The following FAM228B variants were observed in gnomAD, a reference collection of about 807,000 sequenced individuals.
FAM228B encodes family with sequence similarity 228 member B.
In FAM228B, 38 loss-of-function variants were observed where a neutral mutation model predicts 42.6. The observed-to-expected ratio is 0.89, with a 90% CI of 0.69 to 1.17. The LOEUF is 1.17. FAM228B is among the 50% of genes most tolerant of loss of function. FAM228B has a pLI of 0.00. For missense variants in FAM228B, 344 were observed against 367.3 expected, an observed-to-expected ratio of 0.94 and a Z score of 0.52; for synonymous variants, 109 against 122.3, an observed-to-expected ratio of 0.89 and a Z score of 0.72.
intron 2 of FAM228B, among the ~76,000 whole-genome samples, chr2:24,129,322 T>C (rs1484464529): frequency 1.4e-5 from 2 of 148,022 alleles, no homozygotes; most frequent in African/African-American, 4.9e-5. Context: ...TTTTTTTTTT[T>C]AGTTGTTTCA....
At chr2:24,122,368 A>G (rs529152056), upstream of FAM228B, 3 of 1,325,050 alleles carry the variant, frequency 2.3e-6, no homozygotes, top group Non-Finnish European at 2.1e-6. Flanking sequence ...TTTTGGAAGA[A>G]TAGAAATAAT....
chr2:24,091,732 G>A (rs1558367356), intron 2 of FAM228B, among the ~76,000 whole-genome samples: 1 of 152,068 alleles, frequency 6.6e-6, no homozygotes, highest in Non-Finnish European at 1.5e-5. Context: ...CTATATCAAA[G>A]AACAGAAACA....
chr2:24,160,533 T>C (rs1190806283), intron 7 of FAM228B, among the ~76,000 whole-genome samples: 2 of 152,338 alleles, frequency 1.3e-5, no homozygotes, highest in Admixed American at 1.3e-4. Flanking sequence ...GTATATATTT[T>C]CCAGTTTGCT....
chr2:24,104,569 C>A (rs1162308808), intron 3 of FAM228B, among the ~76,000 whole-genome samples: 2 of 151,842 alleles, frequency 1.3e-5, no homozygotes, highest in African/African-American at 4.8e-5. Flanking sequence ...GCTAGAGCTT[C>A]CAGCCTAATA....
Position 24,124,364 on chromosome 2 carries a change from G to GA in FAM228B, c.8dup (p.Asn3LysfsTer5), listed in dbSNP as rs1666246335. The GA allele has an allele frequency of 1.9e-6, 3 of 1,542,742 alleles. No individual in the cohort carries two copies. Among genetic ancestry groups the GA allele is most frequent in the African/African-American group, 1.4e-5 (1 of 72,446 alleles). On this transcript the variant is annotated frameshift_variant, in exon 2 of 11. Coordinates refer to ENST00000615575, the MANE Select transcript of FAM228B (RefSeq NM_001145710.2). LOFTEE classifies it high-confidence loss of function. The stretch of plus-strand genomic sequence containing the variant: ...GGGCATTGTTATTTGTGACCACAAT[G>GA]AAAAATGTAGACAGTGATGATCTGG...
chr2:24,161,658 C>T, intron 8 of FAM228B, 45 bp downstream of exon 8: 1 of 1,162,170 alleles, frequency 8.6e-7, no homozygotes, highest in Non-Finnish European at 1.3e-6. Context: ...TGCTAAGATG[C>T]TAGGCTGTGC....
chr2:24,161,321 CCTGTA>C (rs1667280169), intron 7 of FAM228B, among the ~76,000 whole-genome samples, 180 bp from the exon 8 acceptor site: 1 of 152,038 alleles, frequency 6.6e-6, no homozygotes, highest in Non-Finnish European at 1.5e-5. Flanking sequence ...GTGGTGCATG[CCTGTA>C]GTCCTAGCTG....
In FAM228B at chr2:24,083,222, C is replaced by A. The variant is rs34702545; in HGVS notation, c.-210+2267C>A. ...CTGTATGTCACTACCCCTGGCCCCCCTTCCAAGATCCCCTCTTTTTTTTTT... is the reference window on the plus strand; with the variant it reads ...CTGTATGTCACTACCCCTGGCCCCCATTCCAAGATCCCCTCTTTTTTTTTT... On this transcript the variant is annotated intron_variant, in intron 2 of 10. Coordinates refer to the FAM228B transcript ENST00000613899. 39 of 1,471,576 alleles carry A rather than the reference C, an allele frequency of 2.7e-5. No individual in the cohort carries two copies. The African/African-American group carries it at 5.1e-4, about 19-fold the overall frequency. The allele number at this position is 1,471,576 out of a possible 1,614,324, so 91.2% of individuals were successfully genotyped here. A position where few individuals can be genotyped will look rare whatever the true frequency, so the allele number is the denominator to read the frequency against.
Position 24,137,914 on chromosome 2 carries a change from A to G in FAM228B, c.174A>G (p.Leu58=), listed in dbSNP as rs1329457070. 1 of 1,519,232 alleles carries G rather than the reference A, an allele frequency of 6.6e-7. No homozygotes were observed. Among genetic ancestry groups the G allele is most frequent in the South Asian group, 1.3e-5 (1 of 77,704 alleles). 94.1% of individuals were successfully genotyped at this position (1,519,232 alleles called of 1,614,324 possible). A position where few individuals can be genotyped will look rare whatever the true frequency, so the allele number is the denominator to read the frequency against. The change falls in exon 4 of 11, where the codon CTA becomes CTG. Residue 58 remains leucine, a synonymous_variant. Transcript: ENST00000615575. The stretch of plus-strand genomic sequence containing the variant: ...TTTCTACCACTGTTTACTAGGAACT[A>G]GATAAGTATTTACAACATCATGCCT... The part of the protein sequence containing the change: ...LYKENSVIKE[L]DKYLQHHAFL...
rs76188086 is a variant in FAM228B, at chr2:24,091,481, T to C, written c.-209-3660T>C. Among the ~76,000 whole-genome samples the C allele has an allele frequency of 5.9e-4, 90 of 152,296 alleles. 1 individual carries two copies. The highest frequency in any genetic ancestry group is 3.4e-3 in the Middle Eastern group (1 of 292). ...AACAAATACAAAAAACCACAAGAGA[T>C]GCTAATTTTAAAAATGAAGCAAACA... On this transcript the variant is annotated intron_variant, in intron 2 of 10. Transcript: ENST00000613899.
intron 7 of FAM228B, among the ~76,000 whole-genome samples, chr2:24,152,321 T>C (rs1367178223): frequency 6.6e-6 from 1 of 152,234 alleles, no homozygotes. Flanking sequence ...TTCTCCAGGA[T>C]TGGTCCCTAG....
intron 3 of FAM228B, among the ~76,000 whole-genome samples, chr2:24,136,093 A>C (rs1666580880): frequency 1.9e-5 from 2 of 105,898 alleles, no homozygotes; most frequent in Admixed American, 1.5e-4. Flanking sequence ...ACAGGGTCTC[A>C]CTCTGTCACC....
intron 2 of FAM228B, among the ~76,000 whole-genome samples, chr2:24,124,763 A>G (rs950733261): frequency 2.0e-5 from 3 of 152,106 alleles, no homozygotes; most frequent in African/African-American, 7.2e-5. Context: ...ATTTATTTAT[A>G]TTTGAGACAG....
At chr2:24,134,641 C>A (rs12616833) in intron 2 of FAM228B, among the ~76,000 whole-genome samples, 1 of 152,174 alleles carries the variant, frequency 6.6e-6, no homozygotes, top group African/African-American at 2.4e-5. Flanking sequence ...GCAGACAGAT[C>A]GAAATACTGT....
intron 9 of FAM228B, chr2:24,165,304 G>C: frequency 2.1e-6 from 1 of 468,780 alleles, no homozygotes; most frequent in Non-Finnish European, 4.4e-6. Flanking sequence ...GAGCAACCCT[G>C]GCCCTATCCT....
At chr2:24,091,301 C>T (rs547148637) in intron 2 of FAM228B, among the ~76,000 whole-genome samples, 5 of 152,214 alleles carry the variant, frequency 3.3e-5, no homozygotes, top group Admixed American at 1.3e-4. Context: ...GGCGTGGTGG[C>T]GGGCGCCAGT....
At chr2:24,083,039 G>A (rs1385064140) in intron 2 of FAM228B, 3 of 1,614,062 alleles carry the variant, frequency 1.9e-6, no homozygotes, top group African/African-American at 1.3e-5. Context: ...CCATGGCTGT[G>A]TCCCCGATCT....
intron 3 of FAM228B, among the ~76,000 whole-genome samples, chr2:24,098,390 G>A (rs913552927): frequency 2.0e-5 from 3 of 152,028 alleles, no homozygotes; most frequent in Non-Finnish European, 4.4e-5. Flanking sequence ...CTGCTAGCAA[G>A]ACTAATAAAG....
intron 7 of FAM228B, among the ~76,000 whole-genome samples, chr2:24,155,982 A>G (rs993842132): frequency 2.0e-5 from 3 of 152,210 alleles, no homozygotes; most frequent in African/African-American, 7.2e-5. Context: ...TGGGGTCCAC[A>G]TCCCATAGCC....
Sources: gnomAD v4.1 joint callset for allele counts (sites outside exome capture counted in the v4.1 genomes callset) on GRCh38, gnomAD v4.1.1 for gene constraint, MANE v1.5 for transcripts, NCBI Gene and HGNC (gene_info 2026-07-23, HGNC 2026-07-21) for gene names.